The following KCNS3 variants were observed in gnomAD, a reference collection of about 807,000 sequenced individuals.
KCNS3 encodes the protein potassium voltage-gated channel modifier subfamily S member 3.
A neutral mutation model predicts 31.0 loss-of-function variants in KCNS3; 13 were observed. The ratio of observed to expected loss-of-function variants is 0.42; its 90% CI spans 0.27 to 0.67. The LOEUF (loss-of-function observed/expected upper bound fraction) is 0.67. Ranked by LOEUF, KCNS3 falls within the 30% of genes least tolerant of loss-of-function variation. The pLI, the probability that KCNS3 is intolerant of heterozygous loss-of-function variation, is 0.25. For missense variants in KCNS3, 545 were observed against 622.4 expected (o/e 0.88, Z 1.32); for synonymous variants, 238 against 241.5 (o/e 0.99, Z 0.13).
chr2:17,927,717 C>T (rs1171027177), intron 2 of KCNS3, among the ~76,000 whole-genome samples: 2 of 152,200 alleles, frequency 1.3e-5, no homozygotes, highest in Non-Finnish European at 2.9e-5. Flanking sequence ...CCAATCACCT[C>T]CCACCAGTTC....
chr2:17,884,262 A>ATATATATATAT (rs1553340981), intron 1 of KCNS3, among the ~76,000 whole-genome samples: 58 of 51,630 alleles, frequency 1.1e-3, no homozygotes, highest in East Asian at 7.4e-3. Context: ...TAATTAAAAA[A>ATATATATATAT]AAAAAAATAT....
At chr2:17,880,574 T>C (rs1197956916) in intron 1 of KCNS3, among the ~76,000 whole-genome samples, 2 of 152,212 alleles carry the variant, frequency 1.3e-5, no homozygotes, top group East Asian at 3.8e-4. Flanking sequence ...ACTTGCGGGA[T>C]CAGTATTAAT....
chr2:17,897,884 C>T (rs1359231038), intron 1 of KCNS3, among the ~76,000 whole-genome samples: 1 of 152,154 alleles, frequency 6.6e-6, no homozygotes, highest in Non-Finnish European at 1.5e-5. Context: ...TAATAAATGA[C>T]TTCTAGAAAG....
At chr2:17,891,191 G>C (rs529841395) in intron 1 of KCNS3, among the ~76,000 whole-genome samples, 4 of 152,232 alleles carry the variant, frequency 2.6e-5, no homozygotes, top group Middle Eastern at 3.4e-3. Flanking sequence ...TTTAACTGCT[G>C]TTAAAGTTTG....
chr2:17,930,868 C>T (rs1248886481), intron 2 of KCNS3, 82 bp from the exon 3 acceptor site: 1 of 822,310 alleles, frequency 1.2e-6, no homozygotes, highest in Non-Finnish European at 1.9e-6. Flanking sequence ...TGTAGCCCAT[C>T]CTCCTGGAAA....
chr2:17,881,976 CATT>C (rs776785047), intron 1 of KCNS3, among the ~76,000 whole-genome samples: 3 of 152,288 alleles, frequency 2.0e-5, no homozygotes, highest in Admixed American at 1.3e-4. Context: ...GCCAGGGAAA[CATT>C]ATGGTGAGTT....
At position 17,893,116 on chromosome 2, in the gene KCNS3, G is replaced by A. The variant is rs1370844928; in HGVS notation, c.-252+14310G>A. Among the ~76,000 whole-genome samples, 4 of 152,298 alleles carry A rather than the reference G, an allele frequency of 2.6e-5. No individual in the cohort carries two copies. The East Asian group carries it at 5.8e-4, about 22-fold the overall frequency. On this transcript the variant is annotated intron_variant, in intron 1 of 2. Transcript: ENST00000304101. ...GGGTCTTGCTGTGGCTGCTGTGGGG[G>A]ATGGAGGTGAGATTCCCAGGTCACT...
chr2:17,898,603 T>G (rs1443508538), intron 1 of KCNS3, among the ~76,000 whole-genome samples: 11 of 152,180 alleles, frequency 7.2e-5, no homozygotes, highest in Admixed American at 6.6e-4. Context: ...AGAACCCTAA[T>G]AGATGTAGGA....
rs143949633 is a variant in KCNS3 at position 17,881,679 on chromosome 2, C to T, written c.-252+2873C>T. The stretch of plus-strand genomic sequence containing the variant: ...GGTGAAGCTAGGATTCTATCCCTTG[C>T]AGTCTGACTGCAGAGCCACTGTGAG... On this transcript the variant is annotated intron_variant, in intron 1 of 2. Coordinates refer to ENST00000304101, the MANE Select transcript of KCNS3 (RefSeq NM_002252.5). Among the ~76,000 whole-genome samples, 4 of 152,334 alleles carry T rather than the reference C, an allele frequency of 2.6e-5. No individual in the cohort carries two copies. The East Asian group carries it at 7.7e-4, about 29-fold the overall frequency.
intron 1 of KCNS3, among the ~76,000 whole-genome samples, chr2:17,916,869 CT>C (rs34305558): frequency 7.0e-6 from 1 of 143,056 alleles, no homozygotes; most frequent in Non-Finnish European, 1.5e-5. Context: ...TCTTCTTCTT[CT>C]TTTTTTTCCC....
chr2:17,887,496 T>TATCTATCC (rs1319864219), intron 1 of KCNS3, among the ~76,000 whole-genome samples: 19 of 149,112 alleles, frequency 1.3e-4, no homozygotes, highest in African/African-American at 3.7e-4. Context: ...TCTATCTATC[T>TATCTATCC]ATCTATCTAT....
chr2:17,899,582 G>A (rs1006869991), intron 1 of KCNS3, among the ~76,000 whole-genome samples: 8 of 152,110 alleles, frequency 5.3e-5, no homozygotes, highest in Non-Finnish European at 1.0e-4. Flanking sequence ...GGCTGGGCAA[G>A]TTATTTAACC....
At chr2:17,885,377 GT>G (rs1292610648) in intron 1 of KCNS3, among the ~76,000 whole-genome samples, 2 of 152,168 alleles carry the variant, frequency 1.3e-5, no homozygotes, top group South Asian at 4.1e-4. Flanking sequence ...CATCTGGTCT[GT>G]TTTCTGAGAA....
intron 1 of KCNS3, among the ~76,000 whole-genome samples, chr2:17,907,617 T>G (rs563702863): frequency 3.8e-4 from 58 of 152,344 alleles, no homozygotes; most frequent in African/African-American, 1.4e-3. Flanking sequence ...CTTTCCATGT[T>G]TAGTGCTTCC....
At chr2:17,894,158 A>C (rs1204831055) in intron 1 of KCNS3, among the ~76,000 whole-genome samples, 1 of 151,990 alleles carries the variant, frequency 6.6e-6, no homozygotes, top group African/African-American at 2.4e-5. Flanking sequence ...CAACTCAGAA[A>C]CAATTTCCAT....
intron 1 of KCNS3, among the ~76,000 whole-genome samples, chr2:17,903,259 G>C (rs1662229851): frequency 6.6e-6 from 1 of 152,170 alleles, no homozygotes; most frequent in African/African-American, 2.4e-5. Context: ...CTAGGGACTG[G>C]AATGCAGTGA....
chr2:17,910,122 C>T (rs1662436655), intron 1 of KCNS3, among the ~76,000 whole-genome samples: 1 of 152,146 alleles, frequency 6.6e-6, no homozygotes, highest in African/African-American at 2.4e-5. Flanking sequence ...AATGCAATTA[C>T]CAAAATAGTA....
intron 1 of KCNS3, among the ~76,000 whole-genome samples, chr2:17,908,218 A>C (rs971672126): frequency 2.0e-5 from 3 of 152,082 alleles, no homozygotes; most frequent in Non-Finnish European, 2.9e-5. Context: ...TTTAATCTTC[A>C]ATCACTGATA....
At chr2:17,925,613 G>A (rs1662822418) in intron 2 of KCNS3, among the ~76,000 whole-genome samples, 2 of 152,142 alleles carry the variant, frequency 1.3e-5, no homozygotes, top group South Asian at 2.1e-4. Context: ...AGAGAGTGGC[G>A]AGAGAAGGGA....
Sources: allele counts gnomAD v4.1 joint callset (sites outside exome capture counted in the v4.1 genomes callset), GRCh38; gene constraint gnomAD v4.1.1; transcripts MANE v1.5; gene names NCBI Gene and HGNC (gene_info 2026-07-23, HGNC 2026-07-21).